RHOH: variants seen among roughly 807,000 people sequenced by gnomAD.
RHOH encodes ras homolog family member H.
Under a neutral mutation model 13.8 loss-of-function variants are expected in RHOH, and 6 were observed. That is an observed-to-expected ratio of 0.44 (90% CI 0.24 to 0.86). The LOEUF (loss-of-function observed/expected upper bound fraction) is 0.86. Among genes scored for constraint, RHOH ranks in the 40% least tolerant of loss-of-function variants. RHOH has a pLI of 0.24. For missense variants in RHOH, 147 were observed against 244.5 expected, an observed-to-expected ratio of 0.60 and a Z score of 2.66; for synonymous variants, 117 against 103.0, an observed-to-expected ratio of 1.14 and a Z score of -0.82.
At chr4:40,194,193 C>G (rs1722896851), upstream of RHOH, among the ~76,000 whole-genome samples, 1 of 151,124 alleles carries the variant, frequency 6.6e-6, no homozygotes, top group African/African-American at 2.4e-5. Flanking sequence ...CCTGAATTTT[C>G]TGAAGCATAT....
intron 1 of RHOH, chr4:40,235,119 G>A (rs1728391034): frequency 1.3e-5 from 2 of 152,194 alleles, no homozygotes; most frequent in Non-Finnish European, 2.9e-5. Flanking sequence ...AATGCCACTT[G>A]AGAAGATGTT....
intron 1 of RHOH, among the ~76,000 whole-genome samples, chr4:40,214,160 C>T (rs776834622): frequency 4.6e-5 from 7 of 152,132 alleles, no homozygotes; most frequent in South Asian, 2.1e-4. Context: ...CTATTTGGTT[C>T]GCAGATGGTG....
At chr4:40,221,408 C>G (rs1368533739) in intron 1 of RHOH, among the ~76,000 whole-genome samples, 1 of 152,124 alleles carries the variant, frequency 6.6e-6, no homozygotes, top group East Asian at 1.9e-4. Context: ...CTGTGTTGAG[C>G]GAGTCTATCG....
Position 40,243,413 on chromosome 4 carries a change from G to A in RHOH, c.27G>A (p.Leu9=), listed in dbSNP as rs764310455. The A allele has an allele frequency of 1.2e-5, 20 of 1,602,520 alleles. No individual in the cohort carries two copies. Among genetic ancestry groups the A allele is most frequent in the Non-Finnish European group, 1.6e-5 (19 of 1,173,468 alleles). ...TGCTGAGTTCCATCAAGTGCGTGTT[G>A]GTGGGCGACTCTGCTGTGGGGAAAA... The part of the protein sequence containing the change: MLSSIKCV[L]VGDSAVGKTS... Residue 9 remains leucine, a synonymous_variant, in exon 3 of 3, where the codon TTG becomes TTA. Transcript: ENST00000381799. This position sits in a 1 kb window ranked among gnomAD's most constrained non-coding sequence, Gnocchi z 6.2.
intron 1 of RHOH, among the ~76,000 whole-genome samples, chr4:40,215,798 T>C (rs1374876584): frequency 6.6e-6 from 1 of 152,152 alleles, no homozygotes; most frequent in Non-Finnish European, 1.5e-5. Flanking sequence ...TGCATGCCTG[T>C]AATCCCAGCT....
At chr4:40,233,303 T>C (rs955596630) in intron 1 of RHOH, among the ~76,000 whole-genome samples, 12 of 151,204 alleles carry the variant, frequency 7.9e-5, no homozygotes, top group Middle Eastern at 3.4e-3. Flanking sequence ...TATTTACAAT[T>C]AGGGAAGAGG....
chr4:40,193,595 A>C (rs2109327352), upstream of RHOH: 1 of 152,558 alleles, frequency 6.6e-6, no homozygotes, highest in South Asian at 2.1e-4. Flanking sequence ...AAGGAAGAAA[A>C]TTAGATGGCA....
chr4:40,206,318 A>AT (rs1038804301), intron 1 of RHOH, among the ~76,000 whole-genome samples: 15 of 149,506 alleles, frequency 1.0e-4, no homozygotes, highest in Non-Finnish European at 1.9e-4. Context: ...CCTTTCTTGC[A>AT]TTTTTTTTTC....
At chr4:40,199,125 A>C (rs1723620864) in intron 1 of RHOH, among the ~76,000 whole-genome samples, 1 of 152,212 alleles carries the variant, frequency 6.6e-6, no homozygotes. Flanking sequence ...TTCACAAAAT[A>C]TCTCTAATAA....
intron 1 of RHOH, among the ~76,000 whole-genome samples, chr4:40,234,073 G>A (rs1728271080): frequency 6.6e-6 from 1 of 152,132 alleles, no homozygotes; most frequent in Non-Finnish European, 1.5e-5. Flanking sequence ...TTATAGCATC[G>A]TGACATTATA....
Position 40,244,494 on chromosome 4 carries a change from C to A in RHOH, c.*532C>A, listed in dbSNP as rs1729629723. 4.7e-6 allele frequency: 1 copy of A among 212,140 alleles called. No homozygotes were observed. 13.1% of individuals were successfully genotyped at this position (212,140 alleles called of 1,614,324 possible). On this transcript the variant is annotated 3_prime_UTR_variant, in exon 3 of 3. Coordinates refer to ENST00000381799, the MANE Select transcript of RHOH (RefSeq NM_004310.5). ...TGGCTGCTGGATTTAAATGGGTAATCAAATTTAAAAATGACCATAAATGAA... is the reference window on the plus strand; with the variant it reads ...TGGCTGCTGGATTTAAATGGGTAATAAAATTTAAAAATGACCATAAATGAA...
intron 1 of RHOH, among the ~76,000 whole-genome samples, chr4:40,207,829 T>C (rs1724831106): frequency 6.6e-6 from 1 of 152,158 alleles, no homozygotes; most frequent in African/African-American, 2.4e-5. Flanking sequence ...TAGCCAGGCG[T>C]GGTTGCTCAC....
chr4:40,197,444 G>C (rs1034756916), intron 1 of RHOH, 144 bp downstream of exon 1: 9 of 152,066 alleles, frequency 5.9e-5, no homozygotes, highest in Admixed American at 2.6e-4. Flanking sequence ...AGGGGGACGG[G>C]GGTCGGGGGG....
intron 1 of RHOH, among the ~76,000 whole-genome samples, chr4:40,198,637 A>T (rs1723545428): frequency 1.3e-5 from 2 of 152,154 alleles, no homozygotes; most frequent in South Asian, 4.1e-4. Flanking sequence ...TTAGGACATC[A>T]TTTATGCAGA....
intron 1 of RHOH, among the ~76,000 whole-genome samples, chr4:40,200,730 A>G (rs1723862002): frequency 6.6e-6 from 1 of 152,208 alleles, no homozygotes; most frequent in Non-Finnish European, 1.5e-5. Flanking sequence ...GCTCAGTCAT[A>G]CCCGCATTTT....
intron 1 of RHOH, among the ~76,000 whole-genome samples, chr4:40,213,984 T>C (rs1369626342): frequency 6.6e-6 from 1 of 152,204 alleles, no homozygotes; most frequent in Non-Finnish European, 1.5e-5. Context: ...CTCAAACTCC[T>C]GTGCTCAAGT....
intron 1 of RHOH, among the ~76,000 whole-genome samples, chr4:40,220,176 G>A (rs1726379317): frequency 6.6e-6 from 1 of 151,978 alleles, no homozygotes. Flanking sequence ...ATACCCACGT[G>A]CACACCTGGG....
intron 1 of RHOH, among the ~76,000 whole-genome samples, chr4:40,216,280 C>T (rs1391142547): frequency 6.6e-6 from 1 of 151,742 alleles, no homozygotes; most frequent in Non-Finnish European, 1.5e-5. Context: ...ACCAGCCTGG[C>T]CAACATGGTG....
In RHOH at chr4:40,201,419, GGT is replaced by G. The variant is rs1723970792; in HGVS notation, c.-331+4122_-331+4123del. On this transcript the variant is annotated intron_variant, in intron 1 of 2. Transcript: ENST00000381799. ...AAATATCAAGGGAGATGTTTACAGT[GGT>G]GTTCTAGAACCGGCTTGCTCTCAAG... 3.3e-5 allele frequency among the ~76,000 whole-genome samples: 5 copies of G among 151,942 alleles called. No homozygotes were observed. In the South Asian group the frequency reaches 1.0e-3, roughly 31 times the overall value.
Sources: allele counts gnomAD v4.1 joint callset (sites outside exome capture counted in the v4.1 genomes callset), GRCh38; gene constraint gnomAD v4.1.1; non-coding constraint Gnocchi (gnomAD v3.1); transcripts MANE v1.5; gene names NCBI Gene and HGNC (gene_info 2026-07-23, HGNC 2026-07-21).